Variants in PAH observed in about 807,000 individuals in gnomAD.
PAH encodes phenylalanine-4-hydroxylase.
Under a neutral mutation model 62.0 loss-of-function variants are expected in PAH, and 64 were observed. The observed-to-expected ratio is 1.03, with a 90% CI of 0.84 to 1.27. The LOEUF is 1.27. Among genes scored for constraint, PAH ranks in the 50% most tolerant of loss-of-function variants. The pLI is 0.00. For synonymous variants in PAH, 195 were observed against 196.2 expected (o/e 0.99, Z 0.05); for missense variants, 579 against 542.8 (o/e 1.07, Z -0.66).
At chr12:102,895,854 CA>C (rs780516168) in intron 2 of PAH, among the ~76,000 whole-genome samples, 3,208 of 104,940 alleles carry the variant, frequency 0.031, 38 homozygotes, top group East Asian at 0.042. Context: ...GACTCTGTCT[CA>C]AAAAAAAAAA....
intron 1 of PAH, among the ~76,000 whole-genome samples, chr12:102,922,908 A>G (rs549246647): frequency 5.9e-5 from 9 of 152,368 alleles, no homozygotes; most frequent in African/African-American, 2.2e-4. Flanking sequence ...TACACAGAAA[A>G]AAAACCAGAT....
At chr12:102,885,330 C>A (rs568256993) in intron 3 of PAH, among the ~76,000 whole-genome samples, 5 of 152,246 alleles carry the variant, frequency 3.3e-5, no homozygotes, top group Non-Finnish European at 7.3e-5. Context: ...CTGACCCCAG[C>A]GACCCAGGCC....
chr12:102,890,522 A>G (rs1322335596), intron 3 of PAH, among the ~76,000 whole-genome samples: 2 of 152,188 alleles, frequency 1.3e-5, no homozygotes, highest in African/African-American at 4.8e-5. Flanking sequence ...CTCTCATTAC[A>G]GGTATGGTAA....
chr12:102,925,272 C>G (rs1390790148), intron 1 of PAH, among the ~76,000 whole-genome samples: 1 of 152,070 alleles, frequency 6.6e-6, no homozygotes, highest in African/African-American at 2.4e-5. Flanking sequence ...CTGACTGGAG[C>G]AGGAGCAGCC....
At chr12:102,879,605 T>TC (rs1555206705) in intron 3 of PAH, among the ~76,000 whole-genome samples, 26 of 139,422 alleles carry the variant, frequency 1.9e-4, no homozygotes, top group African/African-American at 6.7e-4. Flanking sequence ...ATTTTACCTG[T>TC]GGGGGGGGGG....
At chr12:102,883,122 C>A (rs1876891809) in intron 3 of PAH, among the ~76,000 whole-genome samples, 1 of 152,036 alleles carries the variant, frequency 6.6e-6, no homozygotes, top group Non-Finnish European at 1.5e-5. Flanking sequence ...CGCAGCAAAC[C>A]CTTTTGAGTT....
intron 3 of PAH, among the ~76,000 whole-genome samples, chr12:102,892,984 T>TA (rs946371719): frequency 2.0e-5 from 3 of 151,400 alleles, no homozygotes; most frequent in Non-Finnish European, 4.4e-5. Flanking sequence ...TCATCAGTTC[T>TA]AAAAAAAAAT....
chr12:102,944,857 A>G (rs1487699821), intron 1 of PAH, among the ~76,000 whole-genome samples: 1 of 152,168 alleles, frequency 6.6e-6, no homozygotes, highest in Non-Finnish European at 1.5e-5. Context: ...AGTGTTTTAT[A>G]TAGTTCTCAC....
intron 1 of PAH, among the ~76,000 whole-genome samples, chr12:102,937,427 G>T (rs1464202147): frequency 6.6e-6 from 1 of 151,806 alleles, no homozygotes; most frequent in East Asian, 1.9e-4. Flanking sequence ...CTGTTATATG[G>T]TTTTTTATTT....
At chr12:102,945,400 G>C (rs1236698324) in intron 1 of PAH, among the ~76,000 whole-genome samples, 2 of 152,184 alleles carry the variant, frequency 1.3e-5, no homozygotes, top group Non-Finnish European at 2.9e-5. Context: ...CTGCAAGTAG[G>C]GTATTAAACA....
chr12:102,846,773 C>T, intron 9 of PAH, 122 bp downstream of exon 9: 2 of 778,980 alleles, frequency 2.6e-6, no homozygotes, highest in South Asian at 2.9e-5. Flanking sequence ...CAAATGTAAC[C>T]CACCACATTC....
chr12:102,942,409 G>A (rs1434060610), intron 1 of PAH, among the ~76,000 whole-genome samples: 2 of 152,112 alleles, frequency 1.3e-5, no homozygotes, highest in Non-Finnish European at 2.9e-5. Context: ...ACTGCTGAAA[G>A]AAATCAGACA....
At chr12:102,946,058 G>A (rs1352454412) in intron 1 of PAH, 1 of 152,234 alleles carries the variant, frequency 6.6e-6, no homozygotes, top group Non-Finnish European at 1.5e-5. Flanking sequence ...TTGTCTGGAA[G>A]CTAGAGCCTG....
At chr12:102,940,940 G>A (rs1283940138) in intron 1 of PAH, among the ~76,000 whole-genome samples, 4 of 152,106 alleles carry the variant, frequency 2.6e-5, no homozygotes, top group Non-Finnish European at 5.9e-5. Context: ...CAGGTCATTT[G>A]CAAAGGAAAC....
intron 2 of PAH, among the ~76,000 whole-genome samples, chr12:102,899,610 A>G (rs1402087880): frequency 1.3e-5 from 2 of 151,982 alleles, no homozygotes; most frequent in Non-Finnish European, 2.9e-5. Context: ...CTGTAATCCC[A>G]GCACTTTGGG....
chr12:102,953,636 G>C (rs1334948841), upstream of PAH: 1 of 152,238 alleles, frequency 6.6e-6, no homozygotes, highest in African/African-American at 2.4e-5. Flanking sequence ...CTAATCTGAA[G>C]TATGGTTCAG....
At chr12:102,939,669 G>A (rs2136760095) in intron 1 of PAH, among the ~76,000 whole-genome samples, 1 of 152,314 alleles carries the variant, frequency 6.6e-6, no homozygotes, top group Non-Finnish European at 1.5e-5. Flanking sequence ...TCTTAACCAT[G>A]CAGGGCCCCC....
chr12:102,956,637 C>T lies in PAH; in HGVS notation c.-96+1558G>A, dbSNP rs942853106. On this transcript the variant is annotated intron_variant, in intron 1 of 4. Transcript: ENST00000551337. ...CACTCAACCCCCGCCCCGCATCTTT[C>T]TTCTCCGAGGGTCTGGGAGTATCCC... 5.9e-5 allele frequency among the ~76,000 whole-genome samples: 9 copies of T among 152,322 alleles called. No individual in the cohort carries two copies. In the South Asian group the frequency reaches 1.7e-3, roughly 28 times the overall value.
intron 3 of PAH, among the ~76,000 whole-genome samples, chr12:102,888,098 G>A (rs1877114770): frequency 6.6e-6 from 1 of 152,024 alleles, no homozygotes; most frequent in Non-Finnish European, 1.5e-5. Context: ...GATTCATTGT[G>A]TACCCTTATG....
Sources: allele counts gnomAD v4.1 joint callset (sites outside exome capture counted in the v4.1 genomes callset), GRCh38; gene constraint gnomAD v4.1.1; transcripts MANE v1.5; gene names NCBI Gene and HGNC (gene_info 2026-07-23, HGNC 2026-07-21).